Variants in MAPKBP1 observed in about 807,000 individuals in gnomAD.
MAPKBP1 encodes the protein mitogen-activated protein kinase-binding protein 1.
Under a neutral mutation model 170.5 loss-of-function variants are expected in MAPKBP1, and 71 were observed. That is an observed-to-expected ratio of 0.42 (90% CI 0.34 to 0.51). The LOEUF (loss-of-function observed/expected upper bound fraction) is 0.51, where lower values mean the gene tolerates loss of function less well. Ranked by LOEUF, MAPKBP1 falls within the 20% of genes least tolerant of loss-of-function variation. The probability of loss-of-function intolerance (pLI) is 0.06; values close to 1 mark genes in which losing one functional copy is unlikely to be tolerated. For synonymous variants in MAPKBP1, 719 were observed against 757.9 expected (o/e 0.95, Z 0.84); for missense variants, 1,598 against 1,933.0 (o/e 0.83, Z 3.25).
intron 23 of MAPKBP1, chr15:41,821,364 T>C (rs1490628516): frequency 1.5e-5 from 9 of 610,370 alleles, no homozygotes; most frequent in Admixed American, 1.2e-4. Context: ...AGTGCTAATA[T>C]AGTTCATCCA....
At chr15:41,787,136 C>A (rs2064312560) in intron 2 of MAPKBP1, among the ~76,000 whole-genome samples, 1 of 151,826 alleles carries the variant, frequency 6.6e-6, no homozygotes, top group Non-Finnish European at 1.5e-5. Context: ...TGTGCCTGGC[C>A]AGTTTCTAAT....
At chr15:41,783,322 A>T (rs1375454107) in intron 2 of MAPKBP1, among the ~76,000 whole-genome samples, 1 of 152,288 alleles carries the variant, frequency 6.6e-6, no homozygotes, top group East Asian at 1.9e-4. Flanking sequence ...TGTGGAGAGT[A>T]GCTGGTGGAA....
At chr15:41,813,300 C>T (rs565761923) in intron 8 of MAPKBP1, 199 bp downstream of exon 8, 10 of 1,529,218 alleles carry the variant, frequency 6.5e-6, no homozygotes, top group Non-Finnish European at 8.2e-6. Flanking sequence ...CTCTTTCTGT[C>T]TCTTTCCCCT....
At chr15:41,811,333 G>A (rs1353637890) in intron 5 of MAPKBP1, 98 bp downstream of exon 5, 13 of 1,337,546 alleles carry the variant, frequency 9.7e-6, no homozygotes, top group Non-Finnish European at 1.3e-5. Context: ...TTTGGCTTCT[G>A]AAACAGACAC....
At chr15:41,824,157 G>C in intron 29 of MAPKBP1, 96 bp downstream of exon 29, 1 of 1,472,488 alleles carries the variant, frequency 6.8e-7, no homozygotes, top group Non-Finnish European at 9.1e-7. Flanking sequence ...TGTGGGTACA[G>C]CTTCTGGTGT....
At chr15:41,819,053 A>G in intron 20 of MAPKBP1, 96 bp downstream of exon 20, 2 of 1,558,138 alleles carry the variant, frequency 1.3e-6, no homozygotes, top group South Asian at 2.3e-5. Flanking sequence ...GCCATTCAGC[A>G]ACTCTGTCTC....
intron 2 of MAPKBP1, among the ~76,000 whole-genome samples, chr15:41,776,944 T>C (rs1345578363): frequency 6.6e-6 from 1 of 152,190 alleles, no homozygotes; most frequent in Non-Finnish European, 1.5e-5. Flanking sequence ...TAGTCAGACA[T>C]GTAAACAATT....
chr15:41,820,235 G>A (rs1047738721), intron 22 of MAPKBP1, among the ~76,000 whole-genome samples: 13 of 152,158 alleles, frequency 8.5e-5, no homozygotes, highest in African/African-American at 2.9e-4. Flanking sequence ...GTTTCACAGA[G>A]TGATGATGCT....
Position 41,817,865 on chromosome 15 carries a change from C to A in MAPKBP1, c.1904+130C>A. 1 of 1,551,244 alleles carries A rather than the reference C, an allele frequency of 6.4e-7. No homozygotes were observed. The highest frequency in any genetic ancestry group is 8.8e-7 in the Non-Finnish European group (1 of 1,131,984). ...ACCCCCTTGAGCCTACAGTACTTTG[C>A]TTCACCCAAGAGGTGGTAGCCTGTT... On this transcript the variant is annotated intron_variant, in intron 16 of 30. Transcript: ENST00000457542. This position sits in a 1 kb window ranked among gnomAD's most constrained non-coding sequence, Gnocchi z 4.2.
chr15:41,777,842 CA>C (rs2064123299), intron 2 of MAPKBP1, among the ~76,000 whole-genome samples: 1 of 152,176 alleles, frequency 6.6e-6, no homozygotes. Flanking sequence ...AATTTGAAGA[CA>C]AAAAGGTACA....
rs753204423 is a variant in MAPKBP1, at chr15:41,818,955, C to T, written c.2289C>T (p.Asn763=). ...CTCCCCAAAGGGCTTCTGGACCCAACCGGTGAGAACAGAATGTGGGCAAGT... is the reference window on the plus strand; with the variant it reads ...CTCCCCAAAGGGCTTCTGGACCCAATCGGTGAGAACAGAATGTGGGCAAGT... The part of the protein sequence containing the change: ...PSSPQRASGP[N]RHQAPSMLSP... Residue 763 remains asparagine, a splice_region_variant and synonymous_variant, in exon 20 of 31, where the codon AAC becomes AAT. Transcript: ENST00000457542. This position sits in a 1 kb window ranked among gnomAD's most constrained non-coding sequence, Gnocchi z 5.2. 1 of 1,613,976 alleles carries T rather than the reference C, an allele frequency of 6.2e-7. No individual in the cohort carries two copies. The highest frequency in any genetic ancestry group is 2.2e-5 in the East Asian group (1 of 44,886).
chr15:41,774,610 G>A lies in MAPKBP1; in HGVS notation c.-110G>A, dbSNP rs991185683. ...GGGGTGGCCTTAGCTCGCCGAGGCT[G>A]GTGAGGCTGGGCCCGAACGGGGGCG... is the stretch of plus-strand genomic sequence containing the variant. On this transcript the variant is annotated splice_region_variant and 5_prime_UTR_variant, in exon 1 of 31. An upstream open reading frame in the 5' UTR gains an earlier in-frame stop. Coordinates refer to ENST00000457542, the MANE Select transcript of MAPKBP1 (RefSeq NM_014994.3). 2.5e-6 allele frequency: 1 copy of A among 398,708 alleles called. No homozygotes were observed. The highest frequency in any genetic ancestry group is 3.6e-5 in the East Asian group (1 of 28,078). 24.7% of individuals were successfully genotyped at this position (398,708 alleles called of 1,614,324 possible).
chr15:41,776,552 A>G, intron 2 of MAPKBP1, among the ~76,000 whole-genome samples: 1 of 152,194 alleles, frequency 6.6e-6, no homozygotes, highest in East Asian at 1.9e-4. Flanking sequence ...CATTGTTTCT[A>G]TTCTCCTGAG....
At chr15:41,812,221 C>T (rs1200994138) in intron 6 of MAPKBP1, 94 bp downstream of exon 6, 1 of 1,455,674 alleles carries the variant, frequency 6.9e-7, no homozygotes, top group East Asian at 2.3e-5. Flanking sequence ...CTCCATTCCA[C>T]CCCACTGAAC....
rs759363306 is a variant in MAPKBP1, at chr15:41,824,556, G to T, written c.4286G>T (p.Arg1429Leu). The change falls in exon 30 of 31, where the codon CGG (arginine) becomes CTG (leucine). Residue 1429 changes from arginine (R) to leucine (L), a missense_variant. Arg to Leu is a moderately radical substitution (Grantham distance 102). Transcript: ENST00000457542. ...ELRGSVRQAV[R>L]LYHSVAGCKM... The stretch of plus-strand genomic sequence containing the variant: ...CGCGGCAGCGTGCGCCAGGCAGTGC[G>T]GCTCTACCACTCGGTGGGTGTTAGG... 1.9e-6 allele frequency: 3 copies of T among 1,597,636 alleles called. No individual in the cohort carries two copies. The highest frequency in any genetic ancestry group is 1.7e-5 in the Admixed American group (1 of 58,368).
chr15:41,783,823 C>G (rs2064231644), intron 2 of MAPKBP1, among the ~76,000 whole-genome samples: 1 of 152,190 alleles, frequency 6.6e-6, no homozygotes, highest in Non-Finnish European at 1.5e-5. Flanking sequence ...TCCTGGCTAA[C>G]ATGGTGAAAC....
At chr15:41,808,105 CTTTTT>C (rs544983500) in intron 3 of MAPKBP1, among the ~76,000 whole-genome samples, 2 of 109,448 alleles carry the variant, frequency 1.8e-5, no homozygotes, top group South Asian at 3.1e-4. Context: ...TTCTTTCTTT[CTTTTT>C]TTTTTTTTTT....
At chr15:41,796,060 T>TA (rs1276734229) in intron 2 of MAPKBP1, among the ~76,000 whole-genome samples, 1 of 152,202 alleles carries the variant, frequency 6.6e-6, no homozygotes, top group African/African-American at 2.4e-5. Flanking sequence ...GGTAAATAGT[T>TA]ACAGGCTCTC....
Position 41,810,883 on chromosome 15 carries a change from G to T in MAPKBP1, c.207G>T (p.Gly69=). 1 of 1,614,172 alleles carries T rather than the reference G, an allele frequency of 6.2e-7. No individual in the cohort carries two copies. Among genetic ancestry groups the T allele is most frequent in the Non-Finnish European group, 8.5e-7 (1 of 1,180,030 alleles). ...PRSGLVAYPA[G]CVVVLFNPRK... is the part of the protein sequence containing the mutation. ...GCCTGTTGTCTGCTCATCTCCTCAG[G>T]TGTGTGGTTGTGTTGTTCAATCCCC... Residue 69 remains glycine (G), a splice_region_variant and synonymous_variant, in exon 4 of 31, where the codon GGG becomes GGT. Transcript: ENST00000457542.
Sources: gnomAD v4.1 joint callset for allele counts (sites outside exome capture counted in the v4.1 genomes callset) on GRCh38, gnomAD v4.1.1 for gene constraint, Gnocchi (gnomAD v3.1) non-coding constraint, MANE v1.5 for transcripts, NCBI Gene and HGNC (gene_info 2026-07-23, HGNC 2026-07-21) for gene names.